LRRC7: variants seen among roughly 807,000 people sequenced by gnomAD.
The protein encoded by LRRC7 is leucine-rich repeat-containing protein 7.
LRRC7 carries 23 observed loss-of-function variants against 175.7 expected under a neutral mutation model. The ratio of observed to expected loss-of-function variants is 0.13; its 90% CI spans 0.09 to 0.19. The LOEUF is 0.19. Ranked by LOEUF, LRRC7 falls within the 10% of genes least tolerant of loss-of-function variation. The pLI, the probability that LRRC7 is intolerant of heterozygous loss-of-function variation, is 1.00. For missense variants in LRRC7, 1,354 were observed against 1,904.7 expected (o/e 0.71, Z 5.38); for synonymous variants, 685 against 680.9 (o/e 1.01, Z -0.09).
At position 70,141,533 on chromosome 1, in the gene LRRC7, T is replaced by C. The variant is rs1296797635; in HGVS notation, c.*19646T>C. ...TTTGTCAGAAATTAAACAGGACTTATTTGAATGTGCTTTAAAAAAAAAATC... is the reference window on the plus strand; with the variant it reads ...TTTGTCAGAAATTAAACAGGACTTACTTGAATGTGCTTTAAAAAAAAAATC... On this transcript the variant is annotated 3_prime_UTR_variant, in exon 27 of 27. Transcript: ENST00000651989. The C allele has an allele frequency of 2.0e-5, 3 of 152,112 alleles. No homozygotes were observed. The highest frequency in any genetic ancestry group is 2.1e-4 in the South Asian group (1 of 4,836). The allele number at this position is 152,112 out of a possible 1,614,324, so 9.4% of individuals were successfully genotyped here.
intron 8 of LRRC7, among the ~76,000 whole-genome samples, chr1:69,946,521 GT>G (rs1308334853): frequency 4.0e-5 from 6 of 151,864 alleles, no homozygotes; most frequent in African/African-American, 1.5e-4. Flanking sequence ...CTCATATTGT[GT>G]TGCTTTCTAT....
chr1:70,073,427 G>C (rs562878618), intron 23 of LRRC7, among the ~76,000 whole-genome samples: 2 of 152,092 alleles, frequency 1.3e-5, no homozygotes, highest in Admixed American at 1.3e-4. Context: ...CTCCAGCCCG[G>C]GCGACAGAGT....
intron 2 of LRRC7, among the ~76,000 whole-genome samples, chr1:69,720,982 C>A (rs1044586082): frequency 1.3e-5 from 2 of 151,716 alleles, no homozygotes; most frequent in African/African-American, 4.8e-5. Context: ...TCATGGAAAT[C>A]TTTATATGTC....
chr1:69,725,336 T>C (rs1040644960), intron 2 of LRRC7, among the ~76,000 whole-genome samples: 7 of 152,116 alleles, frequency 4.6e-5, no homozygotes, highest in African/African-American at 7.2e-5. Flanking sequence ...AGTGGGCCCG[T>C]ACAATTCAAA....
intron 2 of LRRC7, among the ~76,000 whole-genome samples, chr1:69,718,177 A>AAGAAAGAAAGAAAGAAAG (rs1366913143): frequency 2.0e-5 from 3 of 146,848 alleles, no homozygotes; most frequent in Non-Finnish European, 4.5e-5. Flanking sequence ...AGAAAGAAGA[A>AAGAAAGAAAGAAAGAAAG]AAGAAAAGAA....
chr1:70,106,157 T>C (rs930477677), intron 25 of LRRC7, among the ~76,000 whole-genome samples: 1 of 152,240 alleles, frequency 6.6e-6, no homozygotes, highest in African/African-American at 2.4e-5. Flanking sequence ...TTAACAGTTA[T>C]ATTGAAATAT....
chr1:69,738,042 G>A (rs904692679), intron 2 of LRRC7, among the ~76,000 whole-genome samples: 6 of 151,914 alleles, frequency 3.9e-5, no homozygotes, highest in African/African-American at 9.7e-5. Context: ...TGGCAGAAAC[G>A]GCTTAATCTT....
chr1:69,780,585 C>T (rs556470640), intron 3 of LRRC7, among the ~76,000 whole-genome samples: 1 of 152,018 alleles, frequency 6.6e-6, no homozygotes, highest in Admixed American at 6.6e-5. Context: ...TACAATTTCA[C>T]CAAGTATGTA....
intron 1 of LRRC7, among the ~76,000 whole-genome samples, chr1:69,646,047 T>G (rs1654961500): frequency 6.6e-6 from 1 of 152,110 alleles, no homozygotes; most frequent in African/African-American, 2.4e-5. Flanking sequence ...GTCAAGTTAT[T>G]TATATGAATG....
chr1:69,781,940 G>GAA (rs1282026858), intron 3 of LRRC7, among the ~76,000 whole-genome samples: 3,563 of 106,520 alleles, frequency 0.033, 217 homozygotes, highest in African/African-American at 0.12. Flanking sequence ...AAGAAAGAAA[G>GAA]AGAAAAGAAA....
intron 1 of LRRC7, among the ~76,000 whole-genome samples, chr1:69,577,090 C>T (rs1181338341): frequency 6.6e-6 from 1 of 151,992 alleles, no homozygotes; most frequent in Non-Finnish European, 1.5e-5. Flanking sequence ...GCCACTGAAA[C>T]TCAAACACAG....
chr1:69,625,174 T>TA (rs545569720), intron 1 of LRRC7, among the ~76,000 whole-genome samples: 1 of 151,910 alleles, frequency 6.6e-6, no homozygotes, highest in Non-Finnish European at 1.5e-5. Flanking sequence ...CTTTAATAGT[T>TA]AAAAGGAGTA....
intron 8 of LRRC7, among the ~76,000 whole-genome samples, chr1:69,963,515 T>G (rs1359105683): frequency 6.6e-6 from 1 of 152,098 alleles, no homozygotes; most frequent in Admixed American, 6.6e-5. Context: ...GGGGGCTTTG[T>G]ATTCTTTGGA....
rs888530412 is a variant in LRRC7 at position 69,834,801 on chromosome 1, G to C, written c.522G>C (p.Gln174His). ...TTAGACTACCTGATGGCTTCACACA[G>C]CTCCTAAACCTGACCCAGCTCTACC... The part of the protein sequence containing the change: ...PISKLPDGFT[Q>H]LLNLTQLYLN... The change falls in exon 6 of 27, where the codon CAG (glutamine) becomes CAC (histidine). Residue 174 changes from glutamine (Q) to histidine (H), a missense_variant. Around this residue, in one of 4 missense-constraint regions of LRRC7, gnomAD observed 201 missense variants for 481.4 expected, o/e 0.42. Coordinates refer to ENST00000651989, the MANE Select transcript of LRRC7 (RefSeq NM_001370785.2). 6.2e-7 allele frequency: 1 copy of C among 1,613,068 alleles called. No homozygotes were observed. The highest frequency in any genetic ancestry group is 8.5e-7 in the Non-Finnish European group (1 of 1,179,398).
intron 2 of LRRC7, among the ~76,000 whole-genome samples, chr1:69,746,617 C>T (rs906284364): frequency 1.3e-5 from 2 of 151,882 alleles, no homozygotes; most frequent in Non-Finnish European, 2.9e-5. Context: ...TTACCGAGAA[C>T]GTATTGTATG....
intron 1 of LRRC7, among the ~76,000 whole-genome samples, chr1:69,659,926 G>C (rs1335891473): frequency 6.6e-6 from 1 of 151,156 alleles, no homozygotes; most frequent in Non-Finnish European, 1.5e-5. Flanking sequence ...TGCAAAATCT[G>C]TATAAATAGC....
intron 1 of LRRC7, among the ~76,000 whole-genome samples, chr1:69,649,889 C>A (rs1224062300): frequency 6.6e-6 from 1 of 151,414 alleles, no homozygotes; most frequent in East Asian, 1.9e-4. Context: ...CAGGATAATT[C>A]TTGGCCTTCA....
chr1:70,142,751 T>A lies in LRRC7; in HGVS notation c.*20864T>A, dbSNP rs1286192111. The A allele has an allele frequency of 2.0e-5, 3 of 152,106 alleles. No homozygotes were observed. The highest frequency in any genetic ancestry group is 4.8e-5 in the African/African-American group (2 of 41,450). The allele number at this position is 152,106 out of a possible 1,614,324, so 9.4% of individuals were successfully genotyped here. ...CCAAGGGCTCCCCCAACCAGCTATA[T>A]ATAAGAAAACCATAACATGAACTAG... On this transcript the variant is annotated 3_prime_UTR_variant, in exon 27 of 27. Transcript: ENST00000651989.
At chr1:69,785,009 T>A (rs1249241361) in intron 3 of LRRC7, among the ~76,000 whole-genome samples, 2 of 152,152 alleles carry the variant, frequency 1.3e-5, no homozygotes, top group African/African-American at 4.8e-5. Flanking sequence ...TATGCATTTT[T>A]AAAAAATACT....
Sources: allele counts gnomAD v4.1 joint callset (sites outside exome capture counted in the v4.1 genomes callset), GRCh38; gene constraint gnomAD v4.1.1; regional missense constraint gnomAD v4.1.1; transcripts MANE v1.5; gene names NCBI Gene and HGNC (gene_info 2026-07-23, HGNC 2026-07-21).